ARHGAP31: variants seen among roughly 807,000 people sequenced by gnomAD.
ARHGAP31 encodes the protein Rho GTPase activating protein 31.
ARHGAP31 carries 34 observed loss-of-function variants against 113.9 expected under a neutral mutation model. That is an observed-to-expected ratio of 0.30 (90% CI 0.23 to 0.40). ARHGAP31 has a LOEUF of 0.40. Ranked by LOEUF, ARHGAP31 falls within the 10% of genes least tolerant of loss-of-function variation. The probability of loss-of-function intolerance (pLI) is 1.00; values close to 1 mark genes in which losing one functional copy is unlikely to be tolerated. For synonymous variants in ARHGAP31, 650 were observed against 684.8 expected (o/e 0.95, Z 0.79); for missense variants, 1,548 against 1,767.1 (o/e 0.88, Z 2.22).
chr3:119,340,706 G>A lies in ARHGAP31; in HGVS notation c.101-24610G>A, dbSNP rs868429685. Among the ~76,000 whole-genome samples the A allele has an allele frequency of 4.6e-5, 7 of 152,264 alleles. No individual in the cohort carries two copies. The South Asian group carries it at 1.0e-3, about 23-fold the overall frequency. Reference sequence around the variant, plus strand: ...ACCCAGCCTAGTGCGCAGTGTGGCCGTGGGTGCCGTTTCCATACACAAGCC... The same window carrying A: ...ACCCAGCCTAGTGCGCAGTGTGGCCATGGGTGCCGTTTCCATACACAAGCC... On this transcript the variant is annotated intron_variant, in intron 1 of 11. Coordinates refer to ENST00000264245, the MANE Select transcript of ARHGAP31 (RefSeq NM_020754.4).
At chr3:119,363,221 T>G (rs2080225572) in intron 1 of ARHGAP31, among the ~76,000 whole-genome samples, 2 of 151,826 alleles carry the variant, frequency 1.3e-5, no homozygotes, top group South Asian at 2.1e-4. Flanking sequence ...GAGAGAGAGA[T>G]AGAGAGGGAG....
intron 1 of ARHGAP31, among the ~76,000 whole-genome samples, chr3:119,338,467 T>C (rs1383494224): frequency 2.0e-5 from 3 of 152,256 alleles, no homozygotes; most frequent in Non-Finnish European, 4.4e-5. Flanking sequence ...AGAATCGAAC[T>C]TAAGTCATTA....
intron 1 of ARHGAP31, among the ~76,000 whole-genome samples, chr3:119,348,545 C>T (rs2080082548): frequency 1.3e-5 from 2 of 152,168 alleles, no homozygotes; most frequent in Admixed American, 1.3e-4. Context: ...GGTTCCAGGA[C>T]CCCCATGGAT....
intron 1 of ARHGAP31, among the ~76,000 whole-genome samples, chr3:119,335,444 C>G (rs1257740105): frequency 6.6e-6 from 1 of 152,140 alleles, no homozygotes; most frequent in African/African-American, 2.4e-5. Context: ...GAACCCTAAC[C>G]CCGGTCCTCA....
chr3:119,337,084 G>C (rs1166140734), intron 1 of ARHGAP31, among the ~76,000 whole-genome samples: 1 of 152,086 alleles, frequency 6.6e-6, no homozygotes, highest in East Asian at 1.9e-4. Flanking sequence ...TCCACTTTTT[G>C]GCTGTTGTGA....
rs922685132 is a variant in ARHGAP31, at chr3:119,294,862, A to T, written c.-43A>T. 1 of 1,577,050 alleles carries T rather than the reference A, an allele frequency of 6.3e-7. No homozygotes were observed. Among genetic ancestry groups the T allele is most frequent in the Non-Finnish European group, 8.7e-7 (1 of 1,147,026 alleles). Reference sequence around the variant, plus strand: ...CCCATCTTACAGCGGTGCCAAGCAGAGGGGCGGCAGAGACGGAGGGGCAGC... The same window carrying T: ...CCCATCTTACAGCGGTGCCAAGCAGTGGGGCGGCAGAGACGGAGGGGCAGC... On this transcript the variant is annotated 5_prime_UTR_variant, in exon 1 of 12. Coordinates refer to ENST00000264245, the MANE Select transcript of ARHGAP31 (RefSeq NM_020754.4).
chr3:119,345,085 C>T (rs1315983039), intron 1 of ARHGAP31, among the ~76,000 whole-genome samples: 1 of 151,676 alleles, frequency 6.6e-6, no homozygotes, highest in South Asian at 2.1e-4. Context: ...CCCGGGTTCA[C>T]GCCATTCTCT....
chr3:119,391,842 C>T (rs541352140), intron 7 of ARHGAP31, among the ~76,000 whole-genome samples: 3 of 152,230 alleles, frequency 2.0e-5, no homozygotes, highest in South Asian at 4.2e-4. Flanking sequence ...CTGGAACTCA[C>T]CTGGTGAGAA....
intron 1 of ARHGAP31, among the ~76,000 whole-genome samples, chr3:119,324,494 T>C (rs1000173705): frequency 3.5e-4 from 54 of 152,246 alleles, no homozygotes; most frequent in Non-Finnish European, 6.2e-4. Context: ...TTAGCAGTCC[T>C]AGGTAGATCC....
intron 1 of ARHGAP31, among the ~76,000 whole-genome samples, chr3:119,345,286 C>T (rs56301160): frequency 0.31 from 47,115 of 151,976 alleles, 8,537 homozygotes; most frequent in African/African-American, 0.5. Context: ...ACGCCCGGCC[C>T]GGTGGGATTT....
intron 1 of ARHGAP31, chr3:119,322,524 T>G (rs929329344): frequency 6.5e-6 from 1 of 152,866 alleles, no homozygotes; most frequent in Non-Finnish European, 1.5e-5. Flanking sequence ...CCTTGTGCCA[T>G]CCTTGCAAGC....
intron 1 of ARHGAP31, among the ~76,000 whole-genome samples, chr3:119,326,401 C>T (rs1208600402): frequency 2.0e-5 from 3 of 151,724 alleles, no homozygotes; most frequent in African/African-American, 7.3e-5. Flanking sequence ...ACTGGGTGCT[C>T]GGTGGTCAGG....
chr3:119,371,090 A>G (rs913352834), intron 3 of ARHGAP31, among the ~76,000 whole-genome samples: 7 of 152,190 alleles, frequency 4.6e-5, no homozygotes, highest in Non-Finnish European at 8.8e-5. Flanking sequence ...ATATAGTTGT[A>G]ATCCTCTTAT....
At chr3:119,322,579 C>T (rs1365978628) in intron 1 of ARHGAP31, 2 of 153,600 alleles carry the variant, frequency 1.3e-5, no homozygotes, top group African/African-American at 4.8e-5. Flanking sequence ...GCTCCCACTC[C>T]CACCGCTCTG....
chr3:119,307,128 G>A (rs1461411964), intron 1 of ARHGAP31, among the ~76,000 whole-genome samples: 1 of 151,954 alleles, frequency 6.6e-6, no homozygotes, highest in East Asian at 1.9e-4. Flanking sequence ...TGAGCATATG[G>A]TTTGTTTGCT....
chr3:119,373,713 C>T (rs2080323009), intron 3 of ARHGAP31, among the ~76,000 whole-genome samples: 1 of 152,154 alleles, frequency 6.6e-6, no homozygotes, highest in Non-Finnish European at 1.5e-5. Flanking sequence ...ATCCACCTGC[C>T]TCGGCCTCCC....
intron 10 of ARHGAP31, among the ~76,000 whole-genome samples, chr3:119,404,881 T>C (rs2080646618): frequency 6.6e-6 from 1 of 152,202 alleles, no homozygotes; most frequent in African/African-American, 2.4e-5. Context: ...GCTAACCTCA[T>C]CCTCAGCTGG....
At chr3:119,366,780 G>A (rs1004282101) in intron 2 of ARHGAP31, among the ~76,000 whole-genome samples, 2 of 149,152 alleles carry the variant, frequency 1.3e-5, no homozygotes, top group African/African-American at 4.9e-5. Context: ...TATGCCAAGA[G>A]AACATAGCAT....
chr3:119,343,129 G>C (rs1418867363), intron 1 of ARHGAP31, among the ~76,000 whole-genome samples: 2 of 152,098 alleles, frequency 1.3e-5, no homozygotes, highest in African/African-American at 4.8e-5. Context: ...AATAAATGTA[G>C]ACCTTAGAAT....
Sources: gnomAD v4.1 joint callset for allele counts (sites outside exome capture counted in the v4.1 genomes callset) on GRCh38, gnomAD v4.1.1 for gene constraint, MANE v1.5 for transcripts, NCBI Gene and HGNC (gene_info 2026-07-23, HGNC 2026-07-21) for gene names.